The following MYRFL variants were observed in gnomAD, a reference collection of about 807,000 sequenced individuals.
MYRFL encodes myelin regulatory factor-like protein.
Under a neutral mutation model 109.4 loss-of-function variants are expected in MYRFL, and 88 were observed. That is an observed-to-expected ratio of 0.80 (90% CI 0.68 to 0.96). MYRFL has a LOEUF of 0.96. Among genes scored for constraint, MYRFL ranks in the 40% least tolerant of loss-of-function variants. The pLI, the probability that MYRFL is intolerant of heterozygous loss-of-function variation, is 0.00. For synonymous variants in MYRFL, 324 were observed against 320.9 expected, an observed-to-expected ratio of 1.01 and a Z score of -0.10; for missense variants, 957 against 954.9, an observed-to-expected ratio of 1.00 and a Z score of -0.03.
At chr12:69,878,480 T>C (rs80046979) in intron 2 of MYRFL, among the ~76,000 whole-genome samples, 7,556 of 152,152 alleles carry the variant, frequency 0.05, 179 homozygotes, top group South Asian at 0.075. Flanking sequence ...GAAGTAATTA[T>C]TTAAAAAATT....
rs754674144 is a variant in MYRFL at position 69,927,656 on chromosome 12, TAGTAACCAA to T, written c.1767-28_1767-20del. 11 of 1,513,746 alleles carry T rather than the reference TAGTAACCAA, an allele frequency of 7.3e-6. No homozygotes were observed. In the South Asian group the frequency reaches 1.3e-4, roughly 18 times the overall value. The allele number at this position is 1,513,746 out of a possible 1,614,324, so 93.8% of individuals were successfully genotyped here. A position where few individuals can be genotyped will look rare whatever the true frequency, so the allele number is the denominator to read the frequency against. ...TGTATCTCCTGGAGAGGTATTTGAA[TAGTAACCAA>T]TTTTCTCTCTCTTTTAAAGCAAATC... On this transcript the variant is annotated intron_variant, in intron 14 of 24. Transcript: ENST00000552032.
intron 1 of MYRFL, among the ~76,000 whole-genome samples, chr12:69,832,252 ACT>A (rs1882673559): frequency 1.3e-5 from 2 of 152,010 alleles, no homozygotes; most frequent in South Asian, 4.2e-4. Flanking sequence ...TGGCCTCATG[ACT>A]CTGTTTTAGT....
chr12:69,871,220 T>A (rs1470940115), intron 2 of MYRFL, among the ~76,000 whole-genome samples: 1 of 148,656 alleles, frequency 6.7e-6, no homozygotes, highest in Non-Finnish European at 1.5e-5. Flanking sequence ...TCCAACTCTT[T>A]TTGGATATTT....
intron 13 of MYRFL, among the ~76,000 whole-genome samples, chr12:69,917,382 A>ATTT (rs1592826817): frequency 7.9e-5 from 4 of 50,744 alleles, no homozygotes; most frequent in African/African-American, 4.8e-5. Context: ...TTATTCACTG[A>ATTT]CTTTTTTTTT....
chr12:69,891,678 TTTCTTTCG>T lies in MYRFL; in HGVS notation c.903+516_903+523del, dbSNP rs1172145700. ...CTTTCTTTCTTTCTTTCTTTCTTTCTTTCTTTCGTTCGTTCGTTCTTTCTTTCTTTTTT... is the reference window on the plus strand; with the variant it reads ...CTTTCTTTCTTTCTTTCTTTCTTTCTTTCGTTCGTTCTTTCTTTCTTTTTT... On this transcript the variant is annotated intron_variant, in intron 7 of 24. Transcript: ENST00000552032. Among the ~76,000 whole-genome samples the T allele has an allele frequency of 1.8e-4, 20 of 112,538 alleles. 2 individuals carry two copies. Among genetic ancestry groups the T allele is most frequent in the South Asian group, 6.6e-4 (2 of 3,046 alleles). The allele number at this position is 112,538 out of a possible 152,430, so 73.8% of individuals were successfully genotyped here. A position where few individuals can be genotyped will look rare whatever the true frequency, so the allele number is the denominator to read the frequency against.
intron 19 of MYRFL, among the ~76,000 whole-genome samples, chr12:69,936,876 T>C (rs888373145): frequency 3.3e-5 from 5 of 152,232 alleles, no homozygotes; most frequent in Non-Finnish European, 7.3e-5. Context: ...AGGTTCTCAT[T>C]TGTCCATTGC....
intron 19 of MYRFL, among the ~76,000 whole-genome samples, chr12:69,937,450 A>T (rs1211161362): frequency 2.6e-5 from 4 of 152,200 alleles, no homozygotes; most frequent in Non-Finnish European, 5.9e-5. Context: ...CTATATATTA[A>T]ATGTGAATCA....
intron 1 of MYRFL, among the ~76,000 whole-genome samples, chr12:69,840,581 G>A (rs1592685523): frequency 6.6e-6 from 1 of 152,126 alleles, no homozygotes; most frequent in East Asian, 1.9e-4. Context: ...GTATCCTTGT[G>A]CCTAGCACAC....
chr12:69,877,031 T>TTCTTTCTTTCTTTCTTTCTTTCTTTC (rs1565988332), intron 2 of MYRFL, among the ~76,000 whole-genome samples: 46 of 32,460 alleles, frequency 1.4e-3, no homozygotes, highest in African/African-American at 3.9e-3. Flanking sequence ...TTCTTTTTTT[T>TTCTTTCTTTCTTTCTTTCTTTCTTTC]TTTTTTTTTT....
intron 15 of MYRFL, 118 bp downstream of exon 15, chr12:69,927,866 C>A: frequency 1.1e-6 from 1 of 881,732 alleles, no homozygotes; most frequent in Non-Finnish European, 1.7e-6. Flanking sequence ...AGTTTGCATC[C>A]TTATGTACTA....
intron 19 of MYRFL, among the ~76,000 whole-genome samples, chr12:69,937,657 G>A (rs1473032999): frequency 6.6e-6 from 1 of 152,164 alleles, no homozygotes; most frequent in East Asian, 1.9e-4. Flanking sequence ...CGTCACATTG[G>A]TCATGTCTAA....
intron 16 of MYRFL, among the ~76,000 whole-genome samples, chr12:69,935,723 C>T (rs1426569077): frequency 6.6e-6 from 1 of 152,178 alleles, no homozygotes; most frequent in African/African-American, 2.4e-5. Context: ...AGTGCCAATG[C>T]CCTCCACCGG....
chr12:69,895,907 G>T (rs867534029), intron 9 of MYRFL, among the ~76,000 whole-genome samples: 1 of 152,168 alleles, frequency 6.6e-6, no homozygotes, highest in Admixed American at 6.5e-5. Context: ...GGTTTTCAAA[G>T]TGTGGTTCCG....
At chr12:69,911,776 A>C (rs901572777) in intron 13 of MYRFL, among the ~76,000 whole-genome samples, 1 of 152,194 alleles carries the variant, frequency 6.6e-6, no homozygotes, top group African/African-American at 2.4e-5. Flanking sequence ...GGAAAGACCA[A>C]TTGATATAAG....
chr12:69,903,575 G>C (rs1954257687), intron 10 of MYRFL, 69 bp from the exon 11 acceptor site: 2 of 1,459,876 alleles, frequency 1.4e-6, no homozygotes, highest in Non-Finnish European at 1.8e-6. Flanking sequence ...CCTTTGCTCT[G>C]AACACTAATG....
chr12:69,841,343 A>G (rs1883232018), intron 1 of MYRFL, among the ~76,000 whole-genome samples: 1 of 152,212 alleles, frequency 6.6e-6, no homozygotes, highest in Admixed American at 6.5e-5. Context: ...ACAAAATTCA[A>G]TGGCTTATCC....
chr12:69,907,861 G>C (rs1315969685), intron 11 of MYRFL, among the ~76,000 whole-genome samples: 1 of 152,100 alleles, frequency 6.6e-6, no homozygotes, highest in Non-Finnish European at 1.5e-5. Context: ...CTACTCAATA[G>C]ATATTTGTTG....
chr12:69,875,328 G>GT (rs1455925331), intron 2 of MYRFL, among the ~76,000 whole-genome samples: 1 of 151,188 alleles, frequency 6.6e-6, no homozygotes, highest in South Asian at 2.1e-4. Context: ...TTTCTATTTA[G>GT]TTTTTTTATT....
Position 69,916,549 on chromosome 12 carries a change from T to C in MYRFL, c.1602+5619T>C, listed in dbSNP as rs559665815. On this transcript the variant is annotated intron_variant, in intron 13 of 24. Transcript: ENST00000552032. ...TTATTCTCTTTATTCTTTCCATTTT[T>C]CTCCCACACTATTATAATGATCTCC... 3.0e-3 allele frequency among the ~76,000 whole-genome samples: 451 copies of C among 152,278 alleles called. 3 individuals carry two copies. The highest frequency in any genetic ancestry group is 0.017 in the Middle Eastern group (5 of 294).
Sources: gnomAD v4.1 joint callset for allele counts (sites outside exome capture counted in the v4.1 genomes callset) on GRCh38, gnomAD v4.1.1 for gene constraint, MANE v1.5 for transcripts, NCBI Gene and HGNC (gene_info 2026-07-23, HGNC 2026-07-21) for gene names.